The following ASTN1 variants were observed in gnomAD, a reference collection of about 807,000 sequenced individuals.
ASTN1 encodes the protein astrotactin-1.
Under a neutral mutation model 140.7 loss-of-function variants are expected in ASTN1, and 41 were observed. The ratio of observed to expected loss-of-function variants is 0.29; its 90% CI spans 0.23 to 0.38. The LOEUF (loss-of-function observed/expected upper bound fraction) is 0.38. Among genes scored for constraint, ASTN1 ranks in the 10% least tolerant of loss-of-function variants. The pLI is 1.00. For synonymous variants in ASTN1, 640 were observed against 652.2 expected, an observed-to-expected ratio of 0.98 and a Z score of 0.29; for missense variants, 1,479 against 1,678.8, an observed-to-expected ratio of 0.88 and a Z score of 2.08.
At chr1:176,889,092 C>A (rs933912743) in intron 17 of ASTN1, among the ~76,000 whole-genome samples, 1 of 152,148 alleles carries the variant, frequency 6.6e-6, no homozygotes, top group Non-Finnish European at 1.5e-5. Flanking sequence ...TCTTTACATG[C>A]AGAGGGTTCA....
At chr1:177,141,863 A>C (rs982566827) in intron 1 of ASTN1, among the ~76,000 whole-genome samples, 5 of 152,244 alleles carry the variant, frequency 3.3e-5, no homozygotes, top group African/African-American at 1.2e-4. Context: ...ACCAAAGCAT[A>C]GTTATGTGCT....
intron 2 of ASTN1, among the ~76,000 whole-genome samples, chr1:177,042,659 T>G (rs1385758195): frequency 2.6e-5 from 4 of 152,212 alleles, no homozygotes; most frequent in Non-Finnish European, 4.4e-5. Context: ...GTCCTACCAA[T>G]AAGTATAAGT....
chr1:177,050,381 G>A (rs747607314), intron 2 of ASTN1, among the ~76,000 whole-genome samples: 3 of 152,176 alleles, frequency 2.0e-5, no homozygotes, highest in African/African-American at 2.4e-5. Context: ...CCCCAGATAC[G>A]ATTCTGTGAA....
chr1:177,017,538 C>T (rs1243506348), intron 7 of ASTN1, among the ~76,000 whole-genome samples: 2 of 152,168 alleles, frequency 1.3e-5, no homozygotes, highest in Non-Finnish European at 2.9e-5. Flanking sequence ...TTTTAAAGAC[C>T]CCACAAGGGT....
chr1:177,015,693 T>C (rs1226088603), intron 7 of ASTN1, among the ~76,000 whole-genome samples: 1 of 152,140 alleles, frequency 6.6e-6, no homozygotes, highest in Admixed American at 6.5e-5. Flanking sequence ...TATGTGTGTA[T>C]ATGCATTTTT....
chr1:176,991,675 G>A lies in ASTN1; in HGVS notation c.1523+23116C>T, dbSNP rs996901403. Reference sequence around the variant, plus strand: ...GCCTGCTTTGGCTCTGACAGTCTAAGATCTAATCTTCATAATCCTGCAGAA... The same window carrying A: ...GCCTGCTTTGGCTCTGACAGTCTAAAATCTAATCTTCATAATCCTGCAGAA... On this transcript the variant is annotated intron_variant, in intron 8 of 22. Coordinates refer to ENST00000361833, the MANE Select transcript of ASTN1 (RefSeq NM_004319.3). Among the ~76,000 whole-genome samples the A allele has an allele frequency of 2.0e-5, 3 of 152,296 alleles. 1 individual carries two copies. Among genetic ancestry groups the A allele is most frequent in the African/African-American group, 7.2e-5 (3 of 41,554 alleles).
intron 1 of ASTN1, among the ~76,000 whole-genome samples, chr1:177,088,025 T>C (rs144813549): frequency 1.3e-5 from 2 of 152,338 alleles, no homozygotes; most frequent in African/African-American, 4.8e-5. Context: ...AATGAAGTTG[T>C]GTACCTGTAA....
chr1:177,160,120 C>T (rs1055926251), intron 1 of ASTN1, among the ~76,000 whole-genome samples: 6 of 152,032 alleles, frequency 3.9e-5, no homozygotes, highest in Non-Finnish European at 5.9e-5. Context: ...GAAAAAGAAA[C>T]GATTTTGAAA....
chr1:176,889,322 T>C (rs1292691955), intron 17 of ASTN1, among the ~76,000 whole-genome samples: 2 of 152,212 alleles, frequency 1.3e-5, no homozygotes, highest in Non-Finnish European at 2.9e-5. Context: ...GTCAGGACTT[T>C]CTCTCTGGGT....
chr1:176,866,232 G>T (rs915268325), intron 22 of ASTN1, among the ~76,000 whole-genome samples: 1 of 152,196 alleles, frequency 6.6e-6, no homozygotes, highest in African/African-American at 2.4e-5. Flanking sequence ...ACTGGAGGAA[G>T]GATTTGAGCT....
At chr1:177,162,717 T>C (rs1436091042) in intron 1 of ASTN1, among the ~76,000 whole-genome samples, 1 of 152,154 alleles carries the variant, frequency 6.6e-6, no homozygotes, top group African/African-American at 2.4e-5. Context: ...TAGAAACACA[T>C]AATTCCCTCT....
chr1:177,076,885 C>T (rs1011102481), intron 1 of ASTN1, among the ~76,000 whole-genome samples: 4 of 152,114 alleles, frequency 2.6e-5, no homozygotes, highest in East Asian at 1.9e-4. Context: ...TGAGAAGTAG[C>T]TCACTCTGCC....
chr1:177,092,526 T>G (rs1048545740), intron 1 of ASTN1, among the ~76,000 whole-genome samples: 7 of 151,898 alleles, frequency 4.6e-5, no homozygotes, highest in Admixed American at 4.6e-4. Flanking sequence ...TTTACCTAGT[T>G]TTCTTTTGTC....
At position 177,164,681 on chromosome 1, in the gene ASTN1, A is replaced by G. The variant is rs773318233; in HGVS notation, c.-5T>C. Reference sequence around the variant, plus strand: ...GCAGAGCCCGGCTAAAGCCATCTTGAGCCCCGGCCGCCTTCCTCCTAGCGC... The same window carrying G: ...GCAGAGCCCGGCTAAAGCCATCTTGGGCCCCGGCCGCCTTCCTCCTAGCGC... On this transcript the variant is annotated 5_prime_UTR_variant, in exon 1 of 23. Transcript: ENST00000361833. 76 of 1,552,058 alleles carry G rather than the reference A, an allele frequency of 4.9e-5. No homozygotes were observed. The highest frequency in any genetic ancestry group is 1.8e-4 in the Middle Eastern group (1 of 5,708).
At chr1:177,034,395 T>C (rs1676608965) in intron 2 of ASTN1, among the ~76,000 whole-genome samples, 1 of 152,210 alleles carries the variant, frequency 6.6e-6, no homozygotes, top group Middle Eastern at 3.4e-3. Context: ...TATGCTGACC[T>C]CCTGGTTTTC....
At chr1:176,959,091 T>C (rs1473808987) in intron 9 of ASTN1, among the ~76,000 whole-genome samples, 1 of 146,262 alleles carries the variant, frequency 6.8e-6, no homozygotes. Context: ...ACCCTTGGGA[T>C]ACAGGGAAGA....
chr1:177,090,149 A>G (rs1255389925), intron 1 of ASTN1, among the ~76,000 whole-genome samples: 1 of 151,888 alleles, frequency 6.6e-6, no homozygotes, highest in Non-Finnish European at 1.5e-5. Flanking sequence ...TTGTAATTCA[A>G]TTTTTACGAG....
chr1:176,885,059 A>G (rs1330375647), intron 18 of ASTN1, among the ~76,000 whole-genome samples: 1 of 152,206 alleles, frequency 6.6e-6, no homozygotes, highest in Non-Finnish European at 1.5e-5. Flanking sequence ...TGGACCTTGG[A>G]ACAGGTTCAG....
At chr1:176,956,905 AT>A (rs147386456) in intron 11 of ASTN1, among the ~76,000 whole-genome samples, 2,068 of 151,968 alleles carry the variant, frequency 0.014, 23 homozygotes, top group Non-Finnish European at 0.019. Flanking sequence ...ATAGTATCAC[AT>A]TTTTTTTAAG....
Sources: gnomAD v4.1 joint callset for allele counts (sites outside exome capture counted in the v4.1 genomes callset) on GRCh38, gnomAD v4.1.1 for gene constraint, MANE v1.5 for transcripts, NCBI Gene and HGNC (gene_info 2026-07-23, HGNC 2026-07-21) for gene names.